Variants in NFIA observed in about 807,000 individuals in gnomAD.
NFIA encodes the protein nuclear factor 1 A-type.
NFIA carries 8 observed loss-of-function variants against 62.8 expected under a neutral mutation model. The ratio of observed to expected loss-of-function variants is 0.13; its 90% CI spans 0.07 to 0.23. NFIA has a LOEUF of 0.23. Among genes scored for constraint, NFIA ranks in the 10% least tolerant of loss-of-function variants. The pLI, the probability that NFIA is intolerant of heterozygous loss-of-function variation, is 1.00. For synonymous variants in NFIA, 235 were observed against 238.1 expected (o/e 0.99, Z 0.12); for missense variants, 410 against 642.1 (o/e 0.64, Z 3.91).
intron 4 of NFIA, among the ~76,000 whole-genome samples, chr1:61,335,419 G>A (rs1022265890): frequency 6.6e-6 from 1 of 152,208 alleles, no homozygotes; most frequent in Non-Finnish European, 1.5e-5. Context: ...AAATCCCTCA[G>A]CATTGCCTTG....
chr1:61,107,422 T>C (rs1646622923), intron 2 of NFIA, among the ~76,000 whole-genome samples: 1 of 151,552 alleles, frequency 6.6e-6, no homozygotes, highest in South Asian at 2.1e-4. Context: ...ATTTATAATT[T>C]GATTACTAAT....
intron 2 of NFIA, among the ~76,000 whole-genome samples, chr1:61,184,096 G>A (rs1650948013): frequency 7.5e-6 from 1 of 132,818 alleles, no homozygotes; most frequent in African/African-American, 2.9e-5. Flanking sequence ...ACTCAGATCC[G>A]TAAGGTTTAT....
chr1:61,188,914 GCTTCCT>G (rs1651404530), intron 2 of NFIA, among the ~76,000 whole-genome samples: 1 of 152,166 alleles, frequency 6.6e-6, no homozygotes, highest in South Asian at 2.1e-4. Flanking sequence ...TACAATAAGT[GCTTCCT>G]TGTCTGTAAA....
chr1:61,155,669 G>T (rs2100528062), intron 2 of NFIA, among the ~76,000 whole-genome samples: 1 of 64,042 alleles, frequency 1.6e-5, no homozygotes, highest in African/African-American at 5.3e-5. Flanking sequence ...GACAGAGCGA[G>T]ACTCCATCTC....
At chr1:61,335,736 G>C (rs757539634) in intron 4 of NFIA, among the ~76,000 whole-genome samples, 14 of 152,126 alleles carry the variant, frequency 9.2e-5, no homozygotes, top group Non-Finnish European at 2.1e-4. Flanking sequence ...CACCTACTCG[G>C]GAGGCTGAGG....
At chr1:61,239,992 ATGGTTT>A (rs1655246454) in intron 2 of NFIA, among the ~76,000 whole-genome samples, 1 of 152,116 alleles carries the variant, frequency 6.6e-6, no homozygotes, top group Non-Finnish European at 1.5e-5. Context: ...CTATTCTAGC[ATGGTTT>A]ACGTCATATC....
chr1:61,394,650 A>G (rs1300577300), intron 7 of NFIA, among the ~76,000 whole-genome samples: 1 of 152,206 alleles, frequency 6.6e-6, no homozygotes, highest in African/African-American at 2.4e-5. Context: ...CTTGCTAGTC[A>G]ATACCCAAGC....
intron 2 of NFIA, among the ~76,000 whole-genome samples, chr1:61,200,032 A>ATATATATATATATATATATATATG (rs1652336807): frequency 1.2e-5 from 1 of 83,818 alleles, no homozygotes; most frequent in Non-Finnish European, 2.3e-5. Context: ...ATATATATAT[A>ATATATATATATATATATATATATG]TATATATATA....
intron 2 of NFIA, among the ~76,000 whole-genome samples, chr1:61,242,787 A>G (rs1421479438): frequency 6.6e-6 from 1 of 152,264 alleles, no homozygotes; most frequent in East Asian, 1.9e-4. Context: ...AGTAGCTGTT[A>G]AAAAAGGCTG....
chr1:61,413,448 A>G (rs1247155979), intron 9 of NFIA, among the ~76,000 whole-genome samples: 1 of 152,086 alleles, frequency 6.6e-6, no homozygotes, highest in Non-Finnish European at 1.5e-5. Flanking sequence ...TGGAGGTTAC[A>G]TTCCCAGGTT....
At chr1:61,166,516 T>C (rs1649577117) in intron 2 of NFIA, among the ~76,000 whole-genome samples, 1 of 152,216 alleles carries the variant, frequency 6.6e-6, no homozygotes, top group African/African-American at 2.4e-5. Flanking sequence ...TATGATAATG[T>C]ACTTAGTGAA....
intron 2 of NFIA, among the ~76,000 whole-genome samples, chr1:61,200,378 T>C (rs939841944): frequency 1.3e-5 from 2 of 151,856 alleles, no homozygotes; most frequent in African/African-American, 4.8e-5. Context: ...AGAGGTTAGC[T>C]AAAATTAATC....
chr1:61,304,337 A>G (rs1247594027), intron 3 of NFIA, among the ~76,000 whole-genome samples: 1 of 152,214 alleles, frequency 6.6e-6, no homozygotes, highest in East Asian at 1.9e-4. Flanking sequence ...CTCTCTCTCC[A>G]TTCTGAGTTT....
chr1:61,337,390 G>A (rs1661669322), intron 4 of NFIA, among the ~76,000 whole-genome samples: 1 of 151,936 alleles, frequency 6.6e-6, no homozygotes, highest in Non-Finnish European at 1.5e-5. Context: ...CCATGGCAAA[G>A]AAAATACTGT....
At chr1:61,312,222 G>A (rs1660156842) in intron 3 of NFIA, among the ~76,000 whole-genome samples, 1 of 152,236 alleles carries the variant, frequency 6.6e-6, no homozygotes, top group Non-Finnish European at 1.5e-5. Context: ...TTGGGTGTGG[G>A]AAGTAGAGTT....
At chr1:61,392,649 C>G (rs1665040183) in intron 7 of NFIA, among the ~76,000 whole-genome samples, 1 of 152,176 alleles carries the variant, frequency 6.6e-6, no homozygotes, top group Non-Finnish European at 1.5e-5. Flanking sequence ...GTGGGACACC[C>G]TGCTGGGTTA....
intron 2 of NFIA, among the ~76,000 whole-genome samples, chr1:61,117,256 C>T (rs916477597): frequency 1.3e-5 from 2 of 152,086 alleles, no homozygotes; most frequent in African/African-American, 4.8e-5. Flanking sequence ...TAGTGGACTT[C>T]TGGTGAAATT....
chr1:61,162,610 A>G (rs1332898571), intron 2 of NFIA, among the ~76,000 whole-genome samples: 1 of 152,140 alleles, frequency 6.6e-6, no homozygotes, highest in Admixed American at 6.5e-5. Flanking sequence ...CTATCATGAT[A>G]GATTATGCTG....
At chr1:61,118,566 C>A (rs1182444479) in intron 2 of NFIA, among the ~76,000 whole-genome samples, 1 of 152,016 alleles carries the variant, frequency 6.6e-6, no homozygotes, top group Non-Finnish European at 1.5e-5. Flanking sequence ...ACTAAGAGGA[C>A]CTGCTTTAGA....
Sources: allele counts gnomAD v4.1 joint callset (sites outside exome capture counted in the v4.1 genomes callset), GRCh38; gene constraint gnomAD v4.1.1; transcripts MANE v1.5; gene names NCBI Gene and HGNC (gene_info 2026-07-23, HGNC 2026-07-21).